ASXL2: variants seen among roughly 807,000 people sequenced by gnomAD.
ASXL2 encodes putative Polycomb group protein ASXL2.
In ASXL2, 23 loss-of-function variants were observed where a neutral mutation model predicts 122.0. The ratio of observed to expected loss-of-function variants is 0.19; its 90% CI spans 0.14 to 0.27. The LOEUF is 0.27. ASXL2 is among the 10% of genes least tolerant of loss of function. The pLI is 1.00. For synonymous variants in ASXL2, 650 were observed against 637.0 expected, an observed-to-expected ratio of 1.02 and a Z score of -0.31; for missense variants, 1,518 against 1,713.8, an observed-to-expected ratio of 0.89 and a Z score of 2.02.
intron 3 of ASXL2, among the ~76,000 whole-genome samples, chr2:25,824,842 T>TA (rs1365482073): frequency 2.6e-5 from 4 of 152,240 alleles, no homozygotes; most frequent in African/African-American, 9.6e-5. Context: ...ACATTTTCAC[T>TA]ATTCTTTCTT....
At chr2:25,790,022 G>C (rs886635880) in intron 5 of ASXL2, among the ~76,000 whole-genome samples, 1 of 151,972 alleles carries the variant, frequency 6.6e-6, no homozygotes, top group Non-Finnish European at 1.5e-5. Context: ...TTTTAAAAAA[G>C]GGACAAGATC....
In ASXL2 at chr2:25,742,144, G is replaced by A. The variant is rs190294224; in HGVS notation, c.4193C>T (p.Ser1398Leu). 6.2e-6 allele frequency: 10 copies of A among 1,614,012 alleles called. No homozygotes were observed. The South Asian group carries it at 9.9e-5, about 16-fold the overall frequency. Reference sequence around the variant, plus strand: ...GGCTTTCAAGCGGCAGTAACATTTCGAAGGCGTGCCCTCTATGCTGTTCTC... The same window carrying A: ...GGCTTTCAAGCGGCAGTAACATTTCAAAGGCGTGCCCTCTATGCTGTTCTC... ...SEENSIEGTP[S>L]KCYCRLKAMI... Residue 1398 changes from serine to leucine, a missense_variant, in exon 13 of 13, where the codon TCG becomes TTG. Around this residue, in one of 8 missense-constraint regions of ASXL2, gnomAD observed 831 missense variants for 833.1 expected, o/e 1.00. Coordinates refer to ENST00000435504, the MANE Select transcript of ASXL2 (RefSeq NM_018263.6).
chr2:25,749,793 G>A lies in ASXL2; in HGVS notation c.1763C>T (p.Thr588Ile), dbSNP rs753663539. 1.2e-6 allele frequency: 2 copies of A among 1,606,136 alleles called. No individual in the cohort carries two copies. Among genetic ancestry groups the A allele is most frequent in the South Asian group, 1.1e-5 (1 of 89,342 alleles). Residue 588 changes from threonine (T) to isoleucine (I), a missense_variant, in exon 12 of 13, where the codon ACT becomes ATT. Transcript: ENST00000435504. ...TGGCTGCTGGTGCTGGCGATTCTCA[G>A]TGACACGTGGCCTCTTCTCCCAGCT... ...PVSWEKRPRV[T>I]ENRQHQQPFQ...
intron 1 of ASXL2, among the ~76,000 whole-genome samples, chr2:25,871,605 T>C (rs753698727): frequency 6.6e-5 from 10 of 152,120 alleles, no homozygotes; most frequent in Non-Finnish European, 1.2e-4. Flanking sequence ...TTATTTTGGT[T>C]TTTGAGACAG....
chr2:25,873,653 A>C (rs1323261734), intron 1 of ASXL2, among the ~76,000 whole-genome samples: 2 of 151,678 alleles, frequency 1.3e-5, no homozygotes, highest in Non-Finnish European at 2.9e-5. Context: ...AAAAAAAAAA[A>C]CAAAAAAACT....
At chr2:25,860,644 G>A (rs904662906) in intron 1 of ASXL2, among the ~76,000 whole-genome samples, 5 of 151,978 alleles carry the variant, frequency 3.3e-5, no homozygotes, top group African/African-American at 1.2e-4. Flanking sequence ...CCGGATGGCA[G>A]AGGTTGCAGT....
intron 5 of ASXL2, among the ~76,000 whole-genome samples, chr2:25,793,464 G>A (rs1324863778): frequency 6.6e-6 from 1 of 152,120 alleles, no homozygotes; most frequent in Non-Finnish European, 1.5e-5. Flanking sequence ...AATAGTAGAT[G>A]CATTTGAGTT....
intron 8 of ASXL2, among the ~76,000 whole-genome samples, chr2:25,764,396 A>T (rs1488987917): frequency 6.6e-6 from 1 of 152,198 alleles, no homozygotes; most frequent in Non-Finnish European, 1.5e-5. Context: ...TGGGCCACAC[A>T]TAAAATACAC....
intron 3 of ASXL2, among the ~76,000 whole-genome samples, chr2:25,833,337 A>G (rs564896286): frequency 6.6e-6 from 1 of 152,316 alleles, no homozygotes; most frequent in Non-Finnish European, 1.5e-5. Flanking sequence ...AATTTTCTAT[A>G]GTGAGCAATG....
chr2:25,736,141 G>A lies in ASXL2; in HGVS notation c.*5888C>T, dbSNP rs550540589. 3.3e-5 allele frequency: 5 copies of A among 152,192 alleles called. No homozygotes were observed. The South Asian group carries it at 1.0e-3, about 31-fold the overall frequency. 9.4% of individuals were successfully genotyped at this position (152,192 alleles called of 1,614,324 possible). A position where few individuals can be genotyped will look rare whatever the true frequency, so the allele number is the denominator to read the frequency against. The stretch of plus-strand genomic sequence containing the variant: ...CATAAAAAGTTACCAGACTTCTAAA[G>A]ACCAGCTGAGGTCAAGTAGTCTCAG... On this transcript the variant is annotated 3_prime_UTR_variant, in exon 13 of 13. Transcript: ENST00000435504.
At chr2:25,873,219 G>A (rs551988688) in intron 1 of ASXL2, among the ~76,000 whole-genome samples, 2 of 151,878 alleles carry the variant, frequency 1.3e-5, no homozygotes, top group African/African-American at 4.8e-5. Context: ...TAATTTTTAT[G>A]TAATCCATGA....
intron 1 of ASXL2, among the ~76,000 whole-genome samples, chr2:25,854,892 T>C (rs2149197417): frequency 6.6e-6 from 1 of 152,254 alleles, no homozygotes; most frequent in African/African-American, 2.4e-5. Context: ...CTGCTGCCAG[T>C]GTCTGTCTTG....
chr2:25,824,262 G>T (rs2089348700), intron 3 of ASXL2, among the ~76,000 whole-genome samples: 1 of 151,408 alleles, frequency 6.6e-6, no homozygotes, highest in African/African-American at 2.4e-5. Context: ...ATAAACTCAG[G>T]AAAAAAAATA....
In ASXL2 at chr2:25,853,629, T is replaced by G. The variant is rs145797015; in HGVS notation, c.58-8066A>C. Among the ~76,000 whole-genome samples the G allele has an allele frequency of 2.7e-3, 407 of 152,236 alleles. 3 individuals are homozygous for G. The highest frequency in any genetic ancestry group is 9.4e-3 in the African/African-American group (390 of 41,542). ...ACATCCCCAGTACTGCTTATCACAG[T>G]GCACCGTTTTTTTGTTTTTGAGACA... On this transcript the variant is annotated intron_variant, in intron 1 of 12. Coordinates refer to ENST00000435504, the MANE Select transcript of ASXL2 (RefSeq NM_018263.6).
chr2:25,832,941 G>C (rs1371134471), intron 3 of ASXL2, among the ~76,000 whole-genome samples: 3 of 152,118 alleles, frequency 2.0e-5, no homozygotes, highest in Non-Finnish European at 2.9e-5. Flanking sequence ...GCCAATCCCA[G>C]ATGGTTACAT....
At chr2:25,770,621 G>C (rs1463986747) in intron 6 of ASXL2, among the ~76,000 whole-genome samples, 1 of 152,276 alleles carries the variant, frequency 6.6e-6, no homozygotes, top group South Asian at 2.1e-4. Flanking sequence ...CAGGCGTGGT[G>C]ATGGGTGCCT....
intron 3 of ASXL2, chr2:25,809,828 GCAGCCTTC>G (rs1259916429): frequency 2.3e-6 from 1 of 443,956 alleles, no homozygotes; most frequent in Non-Finnish European, 4.4e-6. Flanking sequence ...AAAGGAGAAA[GCAGCCTTC>G]CAGTTATAAA....
At chr2:25,871,037 A>G (rs1050409865) in intron 1 of ASXL2, among the ~76,000 whole-genome samples, 1 of 152,202 alleles carries the variant, frequency 6.6e-6, no homozygotes, top group Non-Finnish European at 1.5e-5. Flanking sequence ...AGCAAGTAAC[A>G]GTTTTTAAAT....
At chr2:25,805,827 C>A (rs974471007) in intron 4 of ASXL2, among the ~76,000 whole-genome samples, 1 of 152,076 alleles carries the variant, frequency 6.6e-6, no homozygotes, top group Admixed American at 6.6e-5. Context: ...AGGCACACAC[C>A]GCTACGCCCT....
Sources: allele counts gnomAD v4.1 joint callset (sites outside exome capture counted in the v4.1 genomes callset), GRCh38; gene constraint gnomAD v4.1.1; regional missense constraint gnomAD v4.1.1; transcripts MANE v1.5; gene names NCBI Gene and HGNC (gene_info 2026-07-23, HGNC 2026-07-21).